Variants in SPPL3 observed in about 807,000 individuals in gnomAD.
The protein encoded by SPPL3 is signal peptide peptidase like 3, also known as signal peptide peptidase-like 3.
A neutral mutation model predicts 42.4 loss-of-function variants in SPPL3; 5 were observed. The observed-to-expected ratio is 0.12, with a 90% CI of 0.06 to 0.25. SPPL3 has a LOEUF of 0.25. Among genes scored for constraint, SPPL3 ranks in the 10% least tolerant of loss-of-function variants. The probability of loss-of-function intolerance (pLI) is 1.00; values close to 1 mark genes in which losing one functional copy is unlikely to be tolerated. For missense variants in SPPL3, 235 were observed against 489.0 expected, an observed-to-expected ratio of 0.48 and a Z score of 4.90; for synonymous variants, 195 against 181.8, an observed-to-expected ratio of 1.07 and a Z score of -0.58.
chr12:120,832,358 G>A (rs986316385), intron 1 of SPPL3, among the ~76,000 whole-genome samples: 3 of 152,132 alleles, frequency 2.0e-5, no homozygotes, highest in African/African-American at 7.2e-5. Flanking sequence ...AAATACAGGT[G>A]TGCCACCTCT....
chr12:120,799,256 C>T (rs1043350424), intron 2 of SPPL3, among the ~76,000 whole-genome samples: 6 of 152,104 alleles, frequency 3.9e-5, no homozygotes, highest in Non-Finnish European at 5.9e-5. Flanking sequence ...AACACAAAGG[C>T]CTGTTTTGTA....
At chr12:120,812,960 CAA>C (rs1403956648) in intron 1 of SPPL3, among the ~76,000 whole-genome samples, 1 of 152,080 alleles carries the variant, frequency 6.6e-6, no homozygotes, top group Non-Finnish European at 1.5e-5. Context: ...GCTGAGAGGT[CAA>C]GAAAGACAAC....
intron 1 of SPPL3, among the ~76,000 whole-genome samples, chr12:120,821,153 A>G (rs183214366): frequency 7.2e-5 from 11 of 152,354 alleles, no homozygotes; most frequent in African/African-American, 2.6e-4. Flanking sequence ...TTTGTTTTCA[A>G]ATACATCTTA....
chr12:120,799,328 G>C (rs1389062519), intron 2 of SPPL3, among the ~76,000 whole-genome samples: 6 of 152,128 alleles, frequency 3.9e-5, no homozygotes, highest in Non-Finnish European at 8.8e-5. Context: ...AAAACAGAAT[G>C]GTTGTATGGG....
chr12:120,831,251 A>G (rs1249160815), intron 1 of SPPL3, among the ~76,000 whole-genome samples: 1 of 151,980 alleles, frequency 6.6e-6, no homozygotes, highest in Non-Finnish European at 1.5e-5. Flanking sequence ...TAGCTTGCAG[A>G]TGGTGGTGCT....
chr12:120,844,730 C>A (rs1224729382), intron 1 of SPPL3, among the ~76,000 whole-genome samples: 1 of 151,662 alleles, frequency 6.6e-6, no homozygotes, highest in African/African-American at 2.4e-5. Context: ...AAACCAACCA[C>A]CAAAATGGAT....
chr12:120,765,270 C>T (rs574973611), intron 10 of SPPL3, among the ~76,000 whole-genome samples, 200 bp from the exon 11 acceptor site: 67 of 147,376 alleles, frequency 4.5e-4, no homozygotes, highest in Admixed American at 3.1e-3. Context: ...TGAGCTGCTG[C>T]GCTTGGCCCC....
chr12:120,873,213 T>G (rs1172498960), intron 1 of SPPL3, among the ~76,000 whole-genome samples: 1 of 152,116 alleles, frequency 6.6e-6, no homozygotes, highest in African/African-American at 2.4e-5. Context: ...TGAGACCCCC[T>G]GCAGAAGGAA....
At chr12:120,844,659 G>A (rs1871957531) in intron 1 of SPPL3, among the ~76,000 whole-genome samples, 1 of 151,972 alleles carries the variant, frequency 6.6e-6, no homozygotes, top group Non-Finnish European at 1.5e-5. Context: ...CCTCTGCTTA[G>A]AATGTGCTTC....
intron 1 of SPPL3, among the ~76,000 whole-genome samples, chr12:120,839,908 G>C (rs1001665768): frequency 1.3e-5 from 2 of 152,042 alleles, no homozygotes; most frequent in African/African-American, 4.8e-5. Flanking sequence ...CCCAAAGGCA[G>C]AAATAACCCA....
chr12:120,868,108 AAATT>A, intron 1 of SPPL3, among the ~76,000 whole-genome samples: 1 of 152,280 alleles, frequency 6.6e-6, no homozygotes, highest in East Asian at 1.9e-4. Context: ...TACAAAAAAT[AAATT>A]AAGCATGGTG....
chr12:120,873,562 G>A (rs532967702), intron 1 of SPPL3, among the ~76,000 whole-genome samples: 5 of 152,176 alleles, frequency 3.3e-5, no homozygotes, highest in East Asian at 1.9e-4. Context: ...GGAAAAGGCC[G>A]TATTATTCAG....
chr12:120,903,406 C>T (rs550139947), intron 1 of SPPL3: 1 of 169,962 alleles, frequency 5.9e-6, no homozygotes, highest in East Asian at 1.8e-4. Flanking sequence ...ATCACCTGTT[C>T]TCACTAGAGC....
intron 1 of SPPL3, among the ~76,000 whole-genome samples, chr12:120,887,659 T>C (rs888690354): frequency 2.0e-5 from 3 of 152,250 alleles, no homozygotes; most frequent in Admixed American, 6.5e-5. Context: ...TAAATTTTTG[T>C]TCTTGACACA....
At chr12:120,901,590 TA>T (rs754148484) in intron 1 of SPPL3, among the ~76,000 whole-genome samples, 90 of 103,422 alleles carry the variant, frequency 8.7e-4, no homozygotes, top group African/African-American at 2.5e-3. Context: ...GACTCCGTCC[TA>T]AAAAAAAAAA....
At chr12:120,861,908 C>A (rs1566063519) in intron 1 of SPPL3, among the ~76,000 whole-genome samples, 1 of 152,172 alleles carries the variant, frequency 6.6e-6, no homozygotes, top group Admixed American at 6.6e-5. Flanking sequence ...TCACTTTGGG[C>A]TGTAGTGCTC....
intron 1 of SPPL3, among the ~76,000 whole-genome samples, chr12:120,870,390 A>G (rs1872885227): frequency 6.6e-6 from 1 of 152,210 alleles, no homozygotes; most frequent in African/African-American, 2.4e-5. Flanking sequence ...GGTCACGGTA[A>G]GCAGAGATTG....
At chr12:120,775,833 ATAATT>A (rs756916325) in intron 6 of SPPL3, among the ~76,000 whole-genome samples, 1 of 152,202 alleles carries the variant, frequency 6.6e-6, no homozygotes, top group Non-Finnish European at 1.5e-5. Flanking sequence ...AGCCCTGAAA[ATAATT>A]TATTATCCTG....
chr12:120,875,127 T>C (rs781062546), intron 1 of SPPL3, among the ~76,000 whole-genome samples: 21 of 152,256 alleles, frequency 1.4e-4, no homozygotes, highest in Non-Finnish European at 2.4e-4. Flanking sequence ...GACACAGGCA[T>C]CATGAAGCAA....
Sources: gnomAD v4.1 joint callset for allele counts (sites outside exome capture counted in the v4.1 genomes callset) on GRCh38, gnomAD v4.1.1 for gene constraint, MANE v1.5 for transcripts, NCBI Gene and HGNC (gene_info 2026-07-23, HGNC 2026-07-21) for gene names.